CADM1: variants seen among roughly 807,000 people sequenced by gnomAD.
CADM1 encodes the protein TSLC-1.
In CADM1, 15 loss-of-function variants were observed where a neutral mutation model predicts 53.1. The observed-to-expected ratio is 0.28, with a 90% confidence interval of 0.19 to 0.44. The LOEUF is 0.44. Among genes scored for constraint, CADM1 ranks in the 20% least tolerant of loss-of-function variants. CADM1 has a pLI of 1.00. For missense variants in CADM1, 434 were observed against 611.3 expected, an observed-to-expected ratio of 0.71 and a Z score of 3.06; for synonymous variants, 281 against 243.0, an observed-to-expected ratio of 1.16 and a Z score of -1.45.
chr11:115,471,500 C>A (rs1433013681), intron 1 of CADM1, among the ~76,000 whole-genome samples: 1 of 152,226 alleles, frequency 6.6e-6, no homozygotes, highest in Non-Finnish European at 1.5e-5. Flanking sequence ...AGAGGTAGGG[C>A]TACTCAGCCT....
intron 1 of CADM1, among the ~76,000 whole-genome samples, chr11:115,300,183 C>T (rs980671267): frequency 1.3e-5 from 2 of 152,060 alleles, no homozygotes; most frequent in Non-Finnish European, 2.9e-5. Flanking sequence ...GTTAGCTACT[C>T]GGTGATGATG....
chr11:115,423,028 CTGTT>C (rs1290936113), intron 1 of CADM1, among the ~76,000 whole-genome samples: 3 of 128,882 alleles, frequency 2.3e-5, no homozygotes, highest in Non-Finnish European at 5.6e-5. Flanking sequence ...ACGCTACGGT[CTGTT>C]TTTTTTTTTA....
At chr11:115,441,945 T>C (rs1565429821) in intron 1 of CADM1, among the ~76,000 whole-genome samples, 2 of 152,172 alleles carry the variant, frequency 1.3e-5, no homozygotes, top group Non-Finnish European at 2.9e-5. Flanking sequence ...ATGTATATTA[T>C]TGAGGACTGG....
chr11:115,391,721 A>G (rs902012559), intron 1 of CADM1, among the ~76,000 whole-genome samples: 2 of 152,154 alleles, frequency 1.3e-5, no homozygotes, highest in East Asian at 1.9e-4. Context: ...TCAGATTCAC[A>G]CTGACAAAAC....
intron 5 of CADM1, among the ~76,000 whole-genome samples, chr11:115,227,708 GA>G (rs1306598556): frequency 6.6e-6 from 1 of 152,160 alleles, no homozygotes; most frequent in Non-Finnish European, 1.5e-5. Context: ...CAGATTAAAT[GA>G]ATTAACGAGG....
intron 1 of CADM1, among the ~76,000 whole-genome samples, chr11:115,482,759 A>C (rs923504429): frequency 6.6e-6 from 1 of 152,224 alleles, no homozygotes; most frequent in Non-Finnish European, 1.5e-5. Context: ...ATACGCCAAG[A>C]AAAAGGTTGT....
intron 1 of CADM1, among the ~76,000 whole-genome samples, chr11:115,490,706 T>C (rs1245855298): frequency 6.6e-6 from 1 of 151,948 alleles, no homozygotes; most frequent in Admixed American, 6.6e-5. Flanking sequence ...CCAGAACAGA[T>C]GTGAAGTTCA....
intron 1 of CADM1, among the ~76,000 whole-genome samples, chr11:115,503,458 G>T (rs1274364690): frequency 6.6e-6 from 1 of 152,138 alleles, no homozygotes; most frequent in Non-Finnish European, 1.5e-5. Flanking sequence ...CCGAAAGAAC[G>T]GGCAGCCGGG....
chr11:115,323,055 ACATATAAGAG>A (rs1944864507), intron 1 of CADM1, among the ~76,000 whole-genome samples: 1 of 152,224 alleles, frequency 6.6e-6, no homozygotes, highest in South Asian at 2.1e-4. Context: ...ACCACTAGCA[ACATATAAGAG>A]CTCCAGTTTC....
chr11:115,192,993 T>C (rs1285643728), intron 9 of CADM1, among the ~76,000 whole-genome samples: 5 of 152,216 alleles, frequency 3.3e-5, no homozygotes, highest in Non-Finnish European at 5.9e-5. Flanking sequence ...GAACCTACAA[T>C]ACTCTGCCAT....
intron 1 of CADM1, among the ~76,000 whole-genome samples, chr11:115,308,950 G>C (rs569510286): frequency 6.6e-6 from 1 of 152,082 alleles, no homozygotes; most frequent in Non-Finnish European, 1.5e-5. Flanking sequence ...TGAGTATTCA[G>C]TTAAACTATG....
intron 5 of CADM1, chr11:115,218,293 G>A (rs1941270754): frequency 2.5e-6 from 1 of 405,378 alleles, no homozygotes; most frequent in Admixed American, 3.6e-5. Flanking sequence ...CAAGCTAAAG[G>A]AAACTCATTT....
chr11:115,381,816 G>A (rs911809721), intron 1 of CADM1, among the ~76,000 whole-genome samples: 12 of 152,220 alleles, frequency 7.9e-5, no homozygotes, highest in Admixed American at 7.8e-4. Context: ...CTTTTAAGTG[G>A]TATACAAATA....
Position 115,169,437 on chromosome 11 carries a change from A to G in CADM1, c.*7037T>C. On this transcript the variant is annotated 3_prime_UTR_variant, in exon 12 of 12. Coordinates refer to ENST00000331581, the MANE Select transcript of CADM1 (RefSeq NM_001301043.2). ...GCCATCAAGAACAGCTGTGAATGTT[A>G]TACAATTTCAGCAGCAGCAATGGGC... is the stretch of plus-strand genomic sequence containing the variant. 1 of 374,022 alleles carries G rather than the reference A, an allele frequency of 2.7e-6. No individual in the cohort carries two copies. 23.2% of individuals were successfully genotyped at this position (374,022 alleles called of 1,614,324 possible).
chr11:115,324,115 C>A (rs1210475980), intron 1 of CADM1, among the ~76,000 whole-genome samples: 1 of 152,152 alleles, frequency 6.6e-6, no homozygotes, highest in Admixed American at 6.5e-5. Context: ...AGCCAACTCA[C>A]TCTTGTTTCA....
At chr11:115,366,180 C>T (rs758170966) in intron 1 of CADM1, among the ~76,000 whole-genome samples, 21 of 152,196 alleles carry the variant, frequency 1.4e-4, no homozygotes, top group Non-Finnish European at 2.6e-4. Context: ...AATGCACGCA[C>T]ATTTGGAATC....
intron 1 of CADM1, among the ~76,000 whole-genome samples, chr11:115,422,330 A>G (rs972823796): frequency 6.6e-6 from 1 of 152,186 alleles, no homozygotes; most frequent in African/African-American, 2.4e-5. Flanking sequence ...TCAGGTGTGA[A>G]TATGTTCGTT....
intron 1 of CADM1, among the ~76,000 whole-genome samples, chr11:115,429,127 C>T (rs1354409757): frequency 6.6e-6 from 1 of 151,966 alleles, no homozygotes; most frequent in Non-Finnish European, 1.5e-5. Context: ...ATCTTGGTTA[C>T]CTTGATTTCC....
chr11:115,315,540 T>C (rs1255693773), intron 1 of CADM1, among the ~76,000 whole-genome samples: 2 of 152,132 alleles, frequency 1.3e-5, no homozygotes, highest in Admixed American at 1.3e-4. Flanking sequence ...CCCCTCTCAT[T>C]GCAGATTGTT....
Sources: allele counts gnomAD v4.1 joint callset (sites outside exome capture counted in the v4.1 genomes callset), GRCh38; gene constraint gnomAD v4.1.1; transcripts MANE v1.5; gene names NCBI Gene and HGNC (gene_info 2026-07-23, HGNC 2026-07-21).